Variants in DPYD observed in about 807,000 individuals in gnomAD.
DPYD encodes the protein dihydropyrimidine dehydrogenase [NADP(+)].
Under a neutral mutation model 116.2 loss-of-function variants are expected in DPYD, and 109 were observed. The observed-to-expected ratio is 0.94, with a 90% CI of 0.80 to 1.10. DPYD has a LOEUF of 1.10. DPYD is among the 50% of genes least tolerant of loss of function. DPYD has a pLI of 0.00. For synonymous variants in DPYD, 440 were observed against 432.0 expected, an observed-to-expected ratio of 1.02 and a Z score of -0.23; for missense variants, 1,302 against 1,254.5, an observed-to-expected ratio of 1.04 and a Z score of -0.57.
At chr1:97,863,614 C>T (rs1021840694) in intron 2 of DPYD, among the ~76,000 whole-genome samples, 1 of 151,600 alleles carries the variant, frequency 6.6e-6, no homozygotes, top group Admixed American at 6.6e-5. Flanking sequence ...ATGTACTGCC[C>T]ACAAATCAGT....
At chr1:97,764,671 C>A (rs1317876310) in intron 3 of DPYD, among the ~76,000 whole-genome samples, 2 of 151,916 alleles carry the variant, frequency 1.3e-5, no homozygotes, top group Admixed American at 1.3e-4. Context: ...GGGAAAATAT[C>A]TTTTTCCTAA....
intron 13 of DPYD, among the ~76,000 whole-genome samples, chr1:97,504,165 C>G (rs748131828): frequency 1.3e-5 from 2 of 152,000 alleles, no homozygotes; most frequent in Non-Finnish European, 2.9e-5. Flanking sequence ...TCCTGAGAGA[C>G]AGCTTTTAAA....
chr1:97,840,897 AATGGGCATGAAT>A (rs1670005083), intron 2 of DPYD, among the ~76,000 whole-genome samples: 1 of 152,116 alleles, frequency 6.6e-6, no homozygotes, highest in Non-Finnish European at 1.5e-5. Flanking sequence ...ATTTTAATCA[AATGGGCATGAAT>A]GTGGACAGTT....
At chr1:97,761,959 T>A (rs1665598569) in intron 3 of DPYD, among the ~76,000 whole-genome samples, 1 of 151,868 alleles carries the variant, frequency 6.6e-6, no homozygotes, top group Admixed American at 6.6e-5. Context: ...CAACACTGAG[T>A]ATATATGAGC....
At chr1:97,794,270 C>G (rs1246716842) in intron 3 of DPYD, among the ~76,000 whole-genome samples, 1 of 152,018 alleles carries the variant, frequency 6.6e-6, no homozygotes, top group Non-Finnish European at 1.5e-5. Flanking sequence ...AAAAGACAAC[C>G]CACATACTAG....
intron 14 of DPYD, among the ~76,000 whole-genome samples, chr1:97,418,732 G>T (rs1186119843): frequency 6.6e-6 from 1 of 152,056 alleles, no homozygotes; most frequent in Non-Finnish European, 1.5e-5. Flanking sequence ...CCTTCTCAGT[G>T]CAAAAATACA....
At chr1:97,891,536 C>T (rs1672775297) in intron 1 of DPYD, among the ~76,000 whole-genome samples, 1 of 151,840 alleles carries the variant, frequency 6.6e-6, no homozygotes, top group African/African-American at 2.4e-5. Context: ...ATATTGTCAC[C>T]GTTTGGTCTG....
At chr1:97,496,828 C>A (rs1198566457) in intron 13 of DPYD, among the ~76,000 whole-genome samples, 1 of 151,728 alleles carries the variant, frequency 6.6e-6, no homozygotes, top group Non-Finnish European at 1.5e-5. Flanking sequence ...TCTCTGAGAA[C>A]CAGGATTGTA....
intron 16 of DPYD, among the ~76,000 whole-genome samples, chr1:97,331,188 T>A (rs767098056): frequency 6.6e-6 from 1 of 152,094 alleles, no homozygotes; most frequent in East Asian, 1.9e-4. Flanking sequence ...AACCTATATA[T>A]TGAGGATGGG....
intron 14 of DPYD, among the ~76,000 whole-genome samples, chr1:97,414,217 G>A (rs866582958): frequency 3.3e-5 from 5 of 152,104 alleles, no homozygotes; most frequent in Admixed American, 1.3e-4. Context: ...GCAAATTTTT[G>A]TCTAGTCTAG....
At chr1:97,622,317 G>A (rs751920581) in intron 8 of DPYD, among the ~76,000 whole-genome samples, 15 of 151,880 alleles carry the variant, frequency 9.9e-5, no homozygotes, top group Admixed American at 6.6e-4. Context: ...GTGGTCTTCT[G>A]CCCAAAAACC....
At chr1:97,523,002 G>A (rs1648799242) in intron 12 of DPYD, among the ~76,000 whole-genome samples, 2 of 152,050 alleles carry the variant, frequency 1.3e-5, no homozygotes, top group Admixed American at 1.3e-4. Flanking sequence ...TAGTTGAAAA[G>A]GTTAAAAATG....
chr1:97,492,213 T>C (rs1333154911), intron 13 of DPYD, among the ~76,000 whole-genome samples: 1 of 152,164 alleles, frequency 6.6e-6, no homozygotes, highest in Non-Finnish European at 1.5e-5. Flanking sequence ...ACTTGTGGAA[T>C]GATTGCAGAT....
chr1:97,635,251 C>CT (rs1427624729), intron 8 of DPYD, among the ~76,000 whole-genome samples: 1 of 152,034 alleles, frequency 6.6e-6, no homozygotes, highest in East Asian at 1.9e-4. Context: ...AAGCCCGCAC[C>CT]TTCCTTCCTC....
chr1:97,289,499 G>T (rs965660503), intron 18 of DPYD, among the ~76,000 whole-genome samples: 2 of 151,446 alleles, frequency 1.3e-5, no homozygotes, highest in African/African-American at 4.8e-5. Flanking sequence ...ATGATCAAGT[G>T]GGCTTCATCC....
chr1:97,395,674 G>A (rs1431129943), intron 14 of DPYD, among the ~76,000 whole-genome samples: 1 of 152,016 alleles, frequency 6.6e-6, no homozygotes, highest in Non-Finnish European at 1.5e-5. Flanking sequence ...CCCATCAAGT[G>A]GGGGCATTTA....
At chr1:97,534,577 G>C (rs1311541367) in intron 12 of DPYD, among the ~76,000 whole-genome samples, 1 of 151,706 alleles carries the variant, frequency 6.6e-6, no homozygotes, top group Admixed American at 6.6e-5. Flanking sequence ...ATTTTTTATG[G>C]ATGTTATTCT....
intron 8 of DPYD, among the ~76,000 whole-genome samples, chr1:97,665,897 A>G (rs1252170560): frequency 6.6e-6 from 1 of 152,216 alleles, no homozygotes; most frequent in East Asian, 1.9e-4. Flanking sequence ...TCCTGGCTGA[A>G]GTCAATAGGT....
intron 5 of DPYD, among the ~76,000 whole-genome samples, chr1:97,711,410 G>T (rs977924416): frequency 6.6e-6 from 1 of 151,766 alleles, no homozygotes; most frequent in Admixed American, 6.6e-5. Flanking sequence ...GTAATTTATC[G>T]CATACAGTAC....
Sources: allele counts gnomAD v4.1 joint callset (sites outside exome capture counted in the v4.1 genomes callset), GRCh38; gene constraint gnomAD v4.1.1; transcripts MANE v1.5; gene names NCBI Gene and HGNC (gene_info 2026-07-23, HGNC 2026-07-21).